Variants in ZNF648 observed in about 807,000 individuals in gnomAD.
ZNF648 encodes zinc finger protein 648.
A neutral mutation model predicts 0.3 loss-of-function variants in ZNF648; 1 was observed. That is an observed-to-expected ratio of 3.90 (90% confidence interval 1.39 to 18.51). ZNF648 has a LOEUF of 18.51. ZNF648 is among the 30% of genes most tolerant of loss of function. The pLI is 0.11. For synonymous variants in ZNF648, 376 were observed against 326.8 expected (o/e 1.15, Z -1.62); for missense variants, 874 against 769.7 (o/e 1.14, Z -1.60).
Position 182,057,381 on chromosome 1 carries a change from G to A in ZNF648, c.630C>T (p.Ala210=), listed in dbSNP as rs1665948412. ...DLPTQETHTP[A]QASATPASLA... ...GGCTGGCTGGGGTGGCCGACGCCTG[G>A]GCTGGTGTATGTGTCTCTTGCGTGG... The change falls in exon 2 of 2, where the codon GCC becomes GCT. Residue 210 remains alanine (A), a synonymous_variant. Transcript: ENST00000339948. 9.9e-6 allele frequency: 16 copies of A among 1,613,126 alleles called. No individual in the cohort carries two copies. The South Asian group carries it at 1.6e-4, about 17-fold the overall frequency.
At chr1:182,069,384 C>A in the ZNF648 span, 1 of 152,350 alleles carries the variant, frequency 6.6e-6, no homozygotes, top group African/African-American at 2.4e-5. Flanking sequence ...AAAACATACT[C>A]CCTTTTCCTC....
In ZNF648 at chr1:182,060,760, C is replaced by T. The variant is rs183289509; in HGVS notation, c.-64+808G>A. Among the ~76,000 whole-genome samples the T allele has an allele frequency of 2.3e-3, 357 of 152,278 alleles. 2 individuals carry two copies. The highest frequency in any genetic ancestry group is 3.7e-3 in the Non-Finnish European group (252 of 68,024). ...CTTGCTCAGACCAGCAGGCTTGATC[C>T]GGGGCTGTAGGTCCCCCAGCAGGGA... On this transcript the variant is annotated intron_variant, in intron 1 of 1. Coordinates refer to ENST00000339948, the MANE Select transcript of ZNF648 (RefSeq NM_001009992.1).
chr1:182,057,416 A>G lies in ZNF648; in HGVS notation c.595T>C (p.Trp199Arg). ...LLCFPRPGSNWDLPTQETHTP... is the reference protein window; with the variant it reads ...LLCFPRPGSNRDLPTQETHTP... ...TGTGTCTCTTGCGTGGGAAGGTCCC[A>G]GTTGCTCCCCGGCCTGGGGAAACAC... is the stretch of plus-strand genomic sequence containing the variant. Residue 199 changes from tryptophan to arginine, a missense_variant, in exon 2 of 2, where the codon TGG becomes CGG. Coordinates refer to ENST00000339948, the MANE Select transcript of ZNF648 (RefSeq NM_001009992.1). 1 of 1,614,112 alleles carries G rather than the reference A, an allele frequency of 6.2e-7. No individual in the cohort carries two copies. The highest frequency in any genetic ancestry group is 8.5e-7 in the Non-Finnish European group (1 of 1,180,030).
chr1:182,054,985 T>C lies in ZNF648; in HGVS notation c.*1319A>G, dbSNP rs190041013. 1 of 152,326 alleles carries C rather than the reference T, an allele frequency of 6.6e-6. No individual in the cohort carries two copies. The highest frequency in any genetic ancestry group is 2.4e-5 in the African/African-American group (1 of 41,566). 9.4% of individuals were successfully genotyped at this position (152,326 alleles called of 1,614,324 possible). ...CAAGAGAAATTCAGATTTGGCATTC[T>C]TTGGTGGCAATTTTAGGAATATACT... On this transcript the variant is annotated 3_prime_UTR_variant, in exon 2 of 2. Transcript: ENST00000339948.
chr1:182,066,568 A>G (rs2101924289), upstream of ZNF648, among the ~76,000 whole-genome samples: 1 of 152,372 alleles, frequency 6.6e-6, no homozygotes, highest in South Asian at 2.1e-4. Context: ...GTATGAATAC[A>G]CATGCAGAAA....
Position 182,057,208 on chromosome 1 carries a change from G to A in ZNF648, c.803C>T (p.Pro268Leu). ...GGCGGCGCCGCCGCGCGTCTCCGCGGGGCTCAGCGGCTTGCTGGGCTTCTG... is the reference window on the plus strand; with the variant it reads ...GGCGGCGCCGCCGCGCGTCTCCGCGAGGCTCAGCGGCTTGCTGGGCTTCTG... ...AFQKPSKPLS[P>L]AETRGGAAKR... is the part of the protein sequence containing the mutation. The change falls in exon 2 of 2, where the codon CCC (proline) becomes CTC (leucine). Residue 268 changes from proline (P) to leucine (L), a missense_variant. Transcript: ENST00000339948. The A allele has an allele frequency of 6.4e-7, 1 of 1,570,910 alleles. No individual in the cohort carries two copies. Among genetic ancestry groups the A allele is most frequent in the Non-Finnish European group, 8.6e-7 (1 of 1,164,412 alleles).
chr1:182,058,241 G>C (rs1311801414), intron 1 of ZNF648, among the ~76,000 whole-genome samples, 168 bp from the exon 2 acceptor site: 2 of 152,120 alleles, frequency 1.3e-5, no homozygotes, highest in Non-Finnish European at 2.9e-5. Context: ...GAAAATTCCA[G>C]TCATCCTATT....
Position 182,056,843 on chromosome 1 carries a change from T to A in ZNF648, c.1168A>T (p.Lys390Ter). The A allele has an allele frequency of 1.3e-6, 2 of 1,558,528 alleles. No homozygotes were observed. The highest frequency in any genetic ancestry group is 1.7e-6 in the Non-Finnish European group (2 of 1,151,378). The stretch of plus-strand genomic sequence containing the variant: ...TCGCAGGCGGGGCAGCGGAAGGGCT[T>A]GGCGCCCAGGTGCGTGCGCTGGTGG... ...LRHQRTHLGA[K>*]PFRCPACDRE... Residue 390 changes from lysine to a stop codon, truncating the protein, a stop_gained, in exon 2 of 2, where the codon AAG (lysine) becomes TAG (stop). Coordinates refer to ENST00000339948, the MANE Select transcript of ZNF648 (RefSeq NM_001009992.1). LOFTEE classifies it low-confidence loss of function (END_TRUNC).
intron 1 of ZNF648, among the ~76,000 whole-genome samples, chr1:182,058,509 G>C (rs1665977892): frequency 6.7e-6 from 1 of 149,742 alleles, no homozygotes; most frequent in Non-Finnish European, 1.5e-5. Context: ...TGCTGTCCCT[G>C]CCAGGAATGG....
chr1:182,067,255 A>C, the ZNF648 span, among the ~76,000 whole-genome samples: 23 of 152,208 alleles, frequency 1.5e-4, no homozygotes, highest in African/African-American at 5.5e-4. Flanking sequence ...ACAGGCTCTG[A>C]CATCAGGCTA....
At chr1:182,062,047 G>A (rs1033815315), upstream of ZNF648, among the ~76,000 whole-genome samples, 1 of 152,220 alleles carries the variant, frequency 6.6e-6, no homozygotes, top group African/African-American at 2.4e-5. Context: ...GCAGAACAGA[G>A]TATTTGGCCT....
chr1:182,068,693 C>T, the ZNF648 span, among the ~76,000 whole-genome samples: 12 of 151,890 alleles, frequency 7.9e-5, no homozygotes, highest in Admixed American at 6.6e-4. Context: ...GAGGCTGGGG[C>T]GGGAGGATCC....
At chr1:182,067,411 T>C in the ZNF648 span, among the ~76,000 whole-genome samples, 2 of 152,216 alleles carry the variant, frequency 1.3e-5, no homozygotes, top group Non-Finnish European at 2.9e-5. Flanking sequence ...TTAAATGAGA[T>C]GATGTGCTTT....
rs770207027 is a variant in ZNF648, at chr1:182,057,206, C to T, written c.805G>A (p.Ala269Thr). The T allele has an allele frequency of 1.7e-5, 27 of 1,569,408 alleles. No individual in the cohort carries two copies. Among genetic ancestry groups the T allele is most frequent in the Non-Finnish European group, 2.2e-5 (26 of 1,163,680 alleles). The change falls in exon 2 of 2, where the codon GCG becomes ACG. Residue 269 changes from alanine to threonine, a missense_variant. Coordinates refer to ENST00000339948, the MANE Select transcript of ZNF648 (RefSeq NM_001009992.1). ...TTGGCGGCGCCGCCGCGCGTCTCCG[C>T]GGGGCTCAGCGGCTTGCTGGGCTTC... ...FQKPSKPLSP[A>T]ETRGGAAKRY... is the part of the protein sequence containing the mutation.
intron 1 of ZNF648, among the ~76,000 whole-genome samples, chr1:182,059,124 C>T (rs899843033): frequency 6.6e-6 from 1 of 152,098 alleles, no homozygotes; most frequent in African/African-American, 2.4e-5. Context: ...CCCTGCCAGT[C>T]GCATTTGTTT....
Position 182,057,156 on chromosome 1 carries a change from C to T in ZNF648, c.855G>A (p.Gly285=), listed in dbSNP as rs760863424. 5.0e-6 allele frequency: 8 copies of T among 1,600,188 alleles called. No individual in the cohort carries two copies. The highest frequency in any genetic ancestry group is 2.2e-5 in the South Asian group (2 of 90,700). Residue 285 remains glycine, a synonymous_variant, in exon 2 of 2, where the codon GGG becomes GGA. Coordinates refer to ENST00000339948, the MANE Select transcript of ZNF648 (RefSeq NM_001009992.1). ...AAKRYACELC[G]KAYSHRGTLQ... ...GTGTGCCGCGGTGGGAGTAGGCCTT[C>T]CCGCATAGCTCGCACGCGTAGCGCT... is the stretch of plus-strand genomic sequence containing the variant.
At chr1:182,062,122 G>T (rs1291112421), upstream of ZNF648, among the ~76,000 whole-genome samples, 1 of 152,196 alleles carries the variant, frequency 6.6e-6, no homozygotes, top group African/African-American at 2.4e-5. Context: ...AACTGTGAGG[G>T]GTTGGGATTC....
chr1:182,056,682 G>A lies in ZNF648; in HGVS notation c.1329C>T (p.Thr443=), dbSNP rs755985229. Residue 443 remains threonine (T), a synonymous_variant, in exon 2 of 2, where the codon ACC becomes ACT. Coordinates refer to ENST00000339948, the MANE Select transcript of ZNF648 (RefSeq NM_001009992.1). ...SNLSEHQTLH[T]GQRPFKCADC... Reference sequence around the variant, plus strand: ...CAGCGCACTTGAAAGGCCTCTGGCCGGTGTGCAGCGTCTGGTGCTCGGACA... The same window carrying A: ...CAGCGCACTTGAAAGGCCTCTGGCCAGTGTGCAGCGTCTGGTGCTCGGACA... 6.9e-6 allele frequency: 11 copies of A among 1,602,400 alleles called. No homozygotes were observed. The highest frequency in any genetic ancestry group is 2.7e-5 in the African/African-American group (2 of 74,654).
intron 1 of ZNF648, among the ~76,000 whole-genome samples, chr1:182,058,780 C>T (rs146791972): frequency 3.6e-4 from 55 of 152,280 alleles, no homozygotes; most frequent in African/African-American, 1.3e-3. Context: ...TGAAATTTTG[C>T]TTCATCATAA....
Sources: allele counts gnomAD v4.1 joint callset (sites outside exome capture counted in the v4.1 genomes callset), GRCh38; gene constraint gnomAD v4.1.1; transcripts MANE v1.5; gene names NCBI Gene and HGNC (gene_info 2026-07-23, HGNC 2026-07-21).